GSE1: variants seen among roughly 807,000 people sequenced by gnomAD.
GSE1 encodes genetic suppressor element 1.
Under a neutral mutation model 112.6 loss-of-function variants are expected in GSE1, and 32 were observed. That is an observed-to-expected ratio of 0.28 (90% confidence interval 0.21 to 0.38). GSE1 has a LOEUF of 0.38. GSE1 is among the 10% of genes least tolerant of loss of function. GSE1 has a pLI of 1.00. For synonymous variants in GSE1, 1,115 were observed against 735.6 expected (o/e 1.52, Z -8.35); for missense variants, 2,348 against 1,699.2 (o/e 1.38, Z -6.71).
upstream of GSE1, among the ~76,000 whole-genome samples, chr16:85,607,397 A>T (rs1051964928): frequency 1.3e-5 from 2 of 152,146 alleles, no homozygotes; most frequent in Admixed American, 6.5e-5. Flanking sequence ...CGGCGTCCCC[A>T]TTCACCAGGG....
At chr16:85,499,687 A>G (rs2051299971) in intron 2 of GSE1, among the ~76,000 whole-genome samples, 1 of 152,228 alleles carries the variant, frequency 6.6e-6, no homozygotes, top group Admixed American at 6.5e-5. Flanking sequence ...CAAAGATGGC[A>G]AATTTTATGT....
At chr16:85,558,394 G>A (rs2045341349) in intron 1 of GSE1, among the ~76,000 whole-genome samples, 1 of 151,914 alleles carries the variant, frequency 6.6e-6, no homozygotes, top group Non-Finnish European at 1.5e-5. Context: ...AAGCACAGGT[G>A]TTTGTAATCT....
At chr16:85,444,936 C>T (rs368847245) in intron 2 of GSE1, among the ~76,000 whole-genome samples, 1 of 152,218 alleles carries the variant, frequency 6.6e-6, no homozygotes, top group African/African-American at 2.4e-5. Context: ...CCCGCCTCCC[C>T]ACTGCCCACG....
intron 2 of GSE1, among the ~76,000 whole-genome samples, chr16:85,496,903 G>T (rs55680826): frequency 0.68 from 100,107 of 146,706 alleles, 35,479 homozygotes; most frequent in African/African-American, 0.9. Flanking sequence ...GGTCTTTGTT[G>T]TTTTTTTTTT....
intron 3 of GSE1, among the ~76,000 whole-genome samples, chr16:85,653,327 A>T (rs1167828496): frequency 1.9e-5 from 1 of 51,802 alleles, no homozygotes; most frequent in Non-Finnish European, 3.7e-5. Flanking sequence ...TCCTCCTCCC[A>T]CTTAGTCACA....
rs192345025 is a variant in GSE1, at chr16:85,236,862, C to A, written c.2283+65055C>A. ...GGACCTTGGGACCTCTGCCTGGCTC[C>A]CCCCGACCATCCCTTCCTTAGACCT... On this transcript the variant is annotated intron_variant, in intron 1 of 2. Coordinates refer to the GSE1 transcript ENST00000637419. Among the ~76,000 whole-genome samples, 444 of 152,272 alleles carry A rather than the reference C, an allele frequency of 2.9e-3. 2 individuals are homozygous for A. Among genetic ancestry groups the A allele is most frequent in the African/African-American group, 9.8e-3 (407 of 41,536 alleles).
intron 2 of GSE1, among the ~76,000 whole-genome samples, chr16:85,450,729 A>G (rs187008083): frequency 1.0e-4 from 15 of 150,452 alleles, no homozygotes; most frequent in Middle Eastern, 6.8e-3. Context: ...GATTACAGGC[A>G]TGAGCCACCT....
chr16:85,221,800 G>C (rs2075398172), intron 1 of GSE1, among the ~76,000 whole-genome samples: 1 of 152,230 alleles, frequency 6.6e-6, no homozygotes, highest in African/African-American at 2.4e-5. Flanking sequence ...GGTGGGGTAT[G>C]GATGGCACAC....
At chr16:85,516,853 A>C (rs1430495794) in intron 2 of GSE1, among the ~76,000 whole-genome samples, 1 of 144,068 alleles carries the variant, frequency 6.9e-6, no homozygotes, top group African/African-American at 2.6e-5. Context: ...GCTGGAGTGC[A>C]GTGGCGTGAT....
rs2151922337 is a variant in GSE1 at position 85,654,821 on chromosome 16, GC to G, written c.633del (p.Ser212ValfsTer3). ...TCCAGCGGCCCGTGCACCACGTGGT[GC>G]CCCCCAGTACCGTGACCGAGGACTA... ...NLQRPVHHVV[P>X]PSTVTEDYLR... On this transcript the variant is annotated frameshift_variant, in exon 5 of 16. Coordinates refer to ENST00000253458, the MANE Select transcript of GSE1 (RefSeq NM_014615.5). LOFTEE classifies it high-confidence loss of function. 1 of 1,611,518 alleles carries G rather than the reference GC, an allele frequency of 6.2e-7. No homozygotes were observed. The highest frequency in any genetic ancestry group is 8.5e-7 in the Non-Finnish European group (1 of 1,179,362).
chr16:85,290,748 T>A lies in GSE1; in HGVS notation c.2284-66715T>A, dbSNP rs375900957. Among the ~76,000 whole-genome samples, 10 of 151,922 alleles carry A rather than the reference T, an allele frequency of 6.6e-5. No homozygotes were observed. The East Asian group carries it at 2.0e-3, about 30-fold the overall frequency. On this transcript the variant is annotated intron_variant, in intron 1 of 2. Transcript: ENST00000637419. ...ATAGGAGATGGCCACCCACGAGCTG[T>A]CCGGTAGATTCTGAGTTGTTTCACC...
chr16:85,568,724 G>C (rs1375857439), intron 1 of GSE1, among the ~76,000 whole-genome samples: 2 of 152,304 alleles, frequency 1.3e-5, no homozygotes, highest in South Asian at 2.1e-4. Context: ...GGTGGGGCTG[G>C]TAACTCACAG....
rs1001147117 is a variant in GSE1, at chr16:85,177,005, A to G, written c.2283+5198A>G. On this transcript the variant is annotated intron_variant, in intron 1 of 2. Transcript: ENST00000637419. ...AGGAGGCAGCCTGGCTGGGGCTGGT[A>G]CTGGCACCCTCTCCTTGGCAGCAGC... Among the ~76,000 whole-genome samples, 4 of 152,228 alleles carry G rather than the reference A, an allele frequency of 2.6e-5. No homozygotes were observed. In the East Asian group the frequency reaches 7.7e-4, roughly 29 times the overall value.
At chr16:85,229,600 T>G (rs935145839) in intron 1 of GSE1, among the ~76,000 whole-genome samples, 2 of 152,226 alleles carry the variant, frequency 1.3e-5, no homozygotes, top group African/African-American at 2.4e-5. Flanking sequence ...GAAACTTGCC[T>G]GAGGTCACAC....
chr16:85,554,783 G>C (rs961042552), upstream of GSE1: 1 of 650,128 alleles, frequency 1.5e-6, no homozygotes, highest in Non-Finnish European at 1.9e-6. Context: ...CGTGGGGGGG[G>C]AGGGAGGGAG....
chr16:85,663,654 G>C, intron 11 of GSE1, 40 bp downstream of exon 11: 1 of 1,575,636 alleles, frequency 6.3e-7, no homozygotes. Context: ...GGCTCACTGG[G>C]GTGGAAGTGG....
chr16:85,623,132 T>C (rs1034781186), intron 1 of GSE1, among the ~76,000 whole-genome samples: 18 of 152,140 alleles, frequency 1.2e-4, no homozygotes, highest in African/African-American at 4.3e-4. Flanking sequence ...CATTGCCCAT[T>C]GATTCTCGTT....
rs115524779 is a variant in GSE1, at chr16:85,339,117, G to A, written c.2284-18346G>A. 1.5e-3 allele frequency among the ~76,000 whole-genome samples: 222 copies of A among 152,312 alleles called. 1 individual carries two copies. The highest frequency in any genetic ancestry group is 4.8e-3 in the African/African-American group (201 of 41,572). On this transcript the variant is annotated intron_variant, in intron 1 of 2. Transcript: ENST00000637419. Reference sequence around the variant, plus strand: ...TGAACCTTTGCTGTCACCTGGAAGGGAGGGAGGTCACTGGGTCTGGTGTCA... The same window carrying A: ...TGAACCTTTGCTGTCACCTGGAAGGAAGGGAGGTCACTGGGTCTGGTGTCA...
At chr16:85,501,739 C>A (rs930435251) in intron 2 of GSE1, among the ~76,000 whole-genome samples, 1 of 152,196 alleles carries the variant, frequency 6.6e-6, no homozygotes, top group Non-Finnish European at 1.5e-5. Flanking sequence ...GCCCACAACA[C>A]CCCCTTTTGG....
Sources: gnomAD v4.1 joint callset for allele counts (sites outside exome capture counted in the v4.1 genomes callset) on GRCh38, gnomAD v4.1.1 for gene constraint, MANE v1.5 for transcripts, NCBI Gene and HGNC (gene_info 2026-07-23, HGNC 2026-07-21) for gene names.